The following HCRTR2 variants were observed in gnomAD, a reference collection of about 807,000 sequenced individuals.
HCRTR2 encodes the protein orexin receptor type 2.
A neutral mutation model predicts 49.0 loss-of-function variants in HCRTR2; 22 were observed. The ratio of observed to expected loss-of-function variants is 0.45; its 90% CI spans 0.32 to 0.64. The LOEUF (loss-of-function observed/expected upper bound fraction) is 0.64, where lower values mean the gene tolerates loss of function less well. HCRTR2 is among the 30% of genes least tolerant of loss of function. HCRTR2 has a pLI of 0.04. For synonymous variants in HCRTR2, 236 were observed against 205.3 expected, an observed-to-expected ratio of 1.15 and a Z score of -1.28; for missense variants, 491 against 559.4, an observed-to-expected ratio of 0.88 and a Z score of 1.23.
chr6:55,153,913 G>T (rs938331616), intron 1 of HCRTR2, among the ~76,000 whole-genome samples: 1 of 151,622 alleles, frequency 6.6e-6, no homozygotes, highest in Non-Finnish European at 1.5e-5. Flanking sequence ...TAAAAAAAGA[G>T]ACTCAAATAA....
At chr6:55,144,935 C>T (rs1181528503) in intron 1 of HCRTR2, among the ~76,000 whole-genome samples, 1 of 152,094 alleles carries the variant, frequency 6.6e-6, no homozygotes, top group Non-Finnish European at 1.5e-5. Flanking sequence ...TAAACTCGCC[C>T]GTGTTCTCCC....
intron 1 of HCRTR2, among the ~76,000 whole-genome samples, chr6:55,213,179 G>C (rs2127292802): frequency 6.6e-6 from 1 of 152,174 alleles, no homozygotes; most frequent in East Asian, 1.9e-4. Context: ...TAAGGTGTTG[G>C]AGAACATAGA....
At chr6:55,227,530 A>T (rs1392160669) in intron 1 of HCRTR2, among the ~76,000 whole-genome samples, 1 of 152,212 alleles carries the variant, frequency 6.6e-6, no homozygotes, top group Non-Finnish European at 1.5e-5. Flanking sequence ...TGAACAGGGA[A>T]TTTTGTACTG....
Position 55,120,241 on chromosome 6 carries a change from C to G in HCRTR2, c.-378+13696C>G, listed in dbSNP as rs141529192. Among the ~76,000 whole-genome samples, 678 of 152,064 alleles carry G rather than the reference C, an allele frequency of 4.5e-3. 2 individuals carry two copies. The highest frequency in any genetic ancestry group is 0.015 in the African/African-American group (636 of 41,486). On this transcript the variant is annotated intron_variant, in intron 1 of 7. Coordinates refer to the HCRTR2 transcript ENST00000615358. ...CTTTGTTCTTTTTGCTTAGGATTGTCTTGGCTATGTGGGCCCTTTTTTGGT... is the reference window on the plus strand; with the variant it reads ...CTTTGTTCTTTTTGCTTAGGATTGTGTTGGCTATGTGGGCCCTTTTTTGGT...
intron 1 of HCRTR2, among the ~76,000 whole-genome samples, chr6:55,176,715 A>G (rs966851450): frequency 6.6e-6 from 1 of 152,178 alleles, no homozygotes; most frequent in Non-Finnish European, 1.5e-5. Context: ...AGAATTCTCC[A>G]TTGTTATTCC....
At chr6:55,262,209 C>T (rs1766770810) in intron 3 of HCRTR2, among the ~76,000 whole-genome samples, 1 of 150,612 alleles carries the variant, frequency 6.6e-6, no homozygotes, top group Non-Finnish European at 1.5e-5. Flanking sequence ...CAGAAATCAC[C>T]ACTGAAGATT....
intron 1 of HCRTR2, among the ~76,000 whole-genome samples, chr6:55,136,977 A>G (rs943627724): frequency 1.3e-5 from 2 of 152,182 alleles, no homozygotes; most frequent in African/African-American, 4.8e-5. Flanking sequence ...TAAATGTTTC[A>G]TCAGTTCTGC....
intron 1 of HCRTR2, among the ~76,000 whole-genome samples, chr6:55,168,118 G>A (rs1054925938): frequency 3.3e-5 from 5 of 152,164 alleles, no homozygotes; most frequent in Non-Finnish European, 7.3e-5. Flanking sequence ...AATGCAAAGT[G>A]CATGCTAAGT....
At chr6:55,112,270 C>T (rs565728727) in intron 1 of HCRTR2, among the ~76,000 whole-genome samples, 3 of 151,866 alleles carry the variant, frequency 2.0e-5, no homozygotes, top group African/African-American at 7.2e-5. Context: ...TTCTATTCAA[C>T]GTAGTACCAT....
chr6:55,133,384 C>CA (rs139467671), intron 1 of HCRTR2, among the ~76,000 whole-genome samples: 42,107 of 136,524 alleles, frequency 0.31, 6,555 homozygotes, highest in Non-Finnish European at 0.38. Flanking sequence ...TACACACACA[C>CA]AAAAAAACAC....
At position 55,253,205 on chromosome 6, in the gene HCRTR2, C is replaced by CAA. The variant is rs1766586889; in HGVS notation, c.403-1930_403-1929insAA. On this transcript the variant is annotated intron_variant, in intron 2 of 6. Coordinates refer to ENST00000370862, the MANE Select transcript of HCRTR2 (RefSeq NM_001384272.1). ...ATTTACTTCATTTAGCACACACACA[C>CAA]ACACACACACACGCAACACACAACA... Among the ~76,000 whole-genome samples the CAA allele has an allele frequency of 4.6e-5, 7 of 152,004 alleles. No individual in the cohort carries two copies. The East Asian group carries it at 5.8e-4, about 13-fold the overall frequency.
At chr6:55,245,398 T>TAC (rs549987888) in intron 1 of HCRTR2, among the ~76,000 whole-genome samples, 102 of 140,726 alleles carry the variant, frequency 7.2e-4, no homozygotes, top group South Asian at 4.0e-3. Context: ...TATATATATA[T>TAC]ACACACACAC....
intron 1 of HCRTR2, among the ~76,000 whole-genome samples, chr6:55,164,605 C>T (rs1355596603): frequency 6.6e-6 from 1 of 152,074 alleles, no homozygotes. Context: ...AGGGGAACAT[C>T]ACACACCAGG....
chr6:55,118,919 T>C (rs1764156962), intron 1 of HCRTR2, among the ~76,000 whole-genome samples: 1 of 151,916 alleles, frequency 6.6e-6, no homozygotes, highest in Non-Finnish European at 1.5e-5. Context: ...GTATTTCTCC[T>C]TATGCTATTC....
intron 5 of HCRTR2, among the ~76,000 whole-genome samples, chr6:55,278,723 T>TA (rs1293881069): frequency 5.3e-4 from 72 of 135,994 alleles, no homozygotes; most frequent in Non-Finnish European, 9.7e-4. Flanking sequence ...CTTTGCTTCT[T>TA]ATTAATTATT....
At chr6:55,187,913 ACT>A in intron 1 of HCRTR2, among the ~76,000 whole-genome samples, 1 of 151,962 alleles carries the variant, frequency 6.6e-6, no homozygotes, top group Non-Finnish European at 1.5e-5. Context: ...AGTAGCTGGG[ACT>A]ACAGGCGCAC....
At chr6:55,118,310 T>C (rs1040048708) in intron 1 of HCRTR2, among the ~76,000 whole-genome samples, 3 of 151,998 alleles carry the variant, frequency 2.0e-5, no homozygotes, top group Non-Finnish European at 4.4e-5. Context: ...TTGATGGACA[T>C]TTAGGTTCAC....
chr6:55,130,608 T>G (rs952692412), intron 1 of HCRTR2, among the ~76,000 whole-genome samples: 2 of 151,854 alleles, frequency 1.3e-5, no homozygotes, highest in Admixed American at 1.3e-4. Flanking sequence ...ATCCTCTACT[T>G]ACAATATTTC....
downstream of HCRTR2, among the ~76,000 whole-genome samples, chr6:55,283,362 T>C (rs1767233082): frequency 6.6e-6 from 1 of 151,962 alleles, no homozygotes; most frequent in Admixed American, 6.6e-5. Flanking sequence ...TTCTTGGTCA[T>C]GGCAGAGCAG....
Sources: gnomAD v4.1 joint callset for allele counts (sites outside exome capture counted in the v4.1 genomes callset) on GRCh38, gnomAD v4.1.1 for gene constraint, MANE v1.5 for transcripts, NCBI Gene and HGNC (gene_info 2026-07-23, HGNC 2026-07-21) for gene names.